The following MSRA variants were observed in gnomAD, a reference collection of about 807,000 sequenced individuals.
MSRA encodes the protein mitochondrial peptide methionine sulfoxide reductase.
In MSRA, 54 loss-of-function variants were observed where a neutral mutation model predicts 31.3. That is an observed-to-expected ratio of 1.73 (90% CI 1.39 to 2.17). MSRA has a LOEUF of 2.17. Among genes scored for constraint, MSRA ranks in the 30% most tolerant of loss-of-function variants. The probability of loss-of-function intolerance (pLI) is 0.00; values close to 1 mark genes in which losing one functional copy is unlikely to be tolerated. For missense variants in MSRA, 507 were observed against 300.9 expected, an observed-to-expected ratio of 1.69 and a Z score of -5.07; for synonymous variants, 169 against 116.5, an observed-to-expected ratio of 1.45 and a Z score of -2.90.
intron 1 of MSRA, among the ~76,000 whole-genome samples, chr8:10,172,988 T>C (rs907865093): frequency 6.6e-6 from 1 of 151,810 alleles, no homozygotes; most frequent in Non-Finnish European, 1.5e-5. Context: ...AGTGAGGAGG[T>C]GAAGCAGGGA....
chr8:10,264,556 G>A (rs530270435), intron 3 of MSRA, among the ~76,000 whole-genome samples: 252 of 152,330 alleles, frequency 1.7e-3, no homozygotes, highest in Non-Finnish European at 2.5e-3. Flanking sequence ...TCCCAGTGGA[G>A]CCCAGGTGGG....
intron 5 of MSRA, among the ~76,000 whole-genome samples, chr8:10,415,946 C>G (rs529281739): frequency 2.6e-5 from 4 of 152,240 alleles, no homozygotes; most frequent in African/African-American, 4.8e-5. Context: ...CGCACATCCC[C>G]TCTGCCTCGC....
intron 2 of MSRA, among the ~76,000 whole-genome samples, chr8:10,224,822 A>T (rs1245167340): frequency 2.0e-5 from 3 of 152,194 alleles, no homozygotes; most frequent in Non-Finnish European, 4.4e-5. Flanking sequence ...GCAGAACCTA[A>T]TTTCAATCTA....
intron 2 of MSRA, among the ~76,000 whole-genome samples, chr8:10,208,714 T>C (rs1192881505): frequency 6.6e-6 from 1 of 152,174 alleles, no homozygotes; most frequent in African/African-American, 2.4e-5. Flanking sequence ...AACTGGGCAT[T>C]CAGCTGCCTC....
At chr8:10,276,136 C>T (rs1295070273) in intron 3 of MSRA, among the ~76,000 whole-genome samples, 1 of 152,158 alleles carries the variant, frequency 6.6e-6, no homozygotes, top group African/African-American at 2.4e-5. Context: ...GTAGGGTGAC[C>T]TCCGTGGTGG....
intron 3 of MSRA, among the ~76,000 whole-genome samples, chr8:10,272,984 C>G (rs2975662): frequency 0.74 from 112,528 of 152,112 alleles, 41,658 homozygotes; most frequent in Admixed American, 0.81. Context: ...AAGAGGGTGG[C>G]TTTTAAGACT....
chr8:10,069,377 T>C (rs1454281879), intron 1 of MSRA, among the ~76,000 whole-genome samples: 1 of 152,228 alleles, frequency 6.6e-6, no homozygotes, highest in East Asian at 1.9e-4. Flanking sequence ...CTTTTAGGTA[T>C]GATATTAGCT....
At chr8:10,362,784 G>A (rs1182001413) in intron 5 of MSRA, among the ~76,000 whole-genome samples, 1 of 152,056 alleles carries the variant, frequency 6.6e-6, no homozygotes, top group Admixed American at 6.6e-5. Flanking sequence ...GTTAGTCCCT[G>A]CCTTTTTCCT....
chr8:10,226,247 G>C (rs1249526833), intron 2 of MSRA, among the ~76,000 whole-genome samples: 1 of 152,212 alleles, frequency 6.6e-6, no homozygotes, highest in South Asian at 2.1e-4. Flanking sequence ...GAATGTGGTA[G>C]ATGAAAGGTT....
At chr8:10,320,047 C>T in intron 5 of MSRA, 58 bp downstream of exon 5, 1 of 1,159,528 alleles carries the variant, frequency 8.6e-7, no homozygotes, top group Non-Finnish European at 1.2e-6. Context: ...GGGCCAGGTT[C>T]TGATTTTAGA....
At chr8:10,177,329 C>T (rs1360799583) in intron 1 of MSRA, among the ~76,000 whole-genome samples, 1 of 152,176 alleles carries the variant, frequency 6.6e-6, no homozygotes. Flanking sequence ...ATGTAACTGA[C>T]AACACACTGA....
intron 2 of MSRA, among the ~76,000 whole-genome samples, chr8:10,215,590 A>G (rs1217105185): frequency 1.3e-5 from 2 of 152,182 alleles, no homozygotes; most frequent in African/African-American, 4.8e-5. Context: ...GGGATTTTGA[A>G]GGATAACAGA....
intron 1 of MSRA, among the ~76,000 whole-genome samples, chr8:10,127,278 A>G (rs1762497789): frequency 6.6e-6 from 1 of 152,198 alleles, no homozygotes; most frequent in Non-Finnish European, 1.5e-5. Context: ...GGTCATCGCC[A>G]AGGTCTGTTT....
At chr8:10,104,081 G>A (rs1799711559) in intron 1 of MSRA, among the ~76,000 whole-genome samples, 1 of 152,206 alleles carries the variant, frequency 6.6e-6, no homozygotes, top group Admixed American at 6.5e-5. Flanking sequence ...GTATGAGGCT[G>A]TAGAGTGTCT....
intron 5 of MSRA, among the ~76,000 whole-genome samples, chr8:10,321,462 C>G (rs1802039153): frequency 6.6e-6 from 1 of 152,066 alleles, no homozygotes; most frequent in Admixed American, 6.5e-5. Context: ...AGAGCCCATT[C>G]CTTCCTTGGC....
intron 1 of MSRA, among the ~76,000 whole-genome samples, chr8:10,196,623 C>T (rs1808013299): frequency 6.6e-6 from 1 of 152,182 alleles, no homozygotes; most frequent in Admixed American, 6.5e-5. Flanking sequence ...AATCTCGACT[C>T]ATCGCAACCT....
intron 5 of MSRA, among the ~76,000 whole-genome samples, chr8:10,386,872 T>TAAAA (rs61367767): frequency 3.8e-5 from 5 of 132,950 alleles, no homozygotes; most frequent in African/African-American, 5.8e-5. Context: ...GTGGATTATT[T>TAAAA]AAAAAAAAAA....
chr8:10,336,202 C>T (rs896274035), intron 5 of MSRA, among the ~76,000 whole-genome samples: 2 of 152,120 alleles, frequency 1.3e-5, no homozygotes, highest in Non-Finnish European at 2.9e-5. Context: ...CTGGCAGAAA[C>T]ACATTTGCAA....
At chr8:10,330,204 T>TACAC (rs149601196) in intron 5 of MSRA, among the ~76,000 whole-genome samples, 27,850 of 107,588 alleles carry the variant, frequency 0.26, 3,403 homozygotes, top group Non-Finnish European at 0.35. Context: ...TTAAATGTGA[T>TACAC]ATACACACAC....
Sources: allele counts gnomAD v4.1 joint callset (sites outside exome capture counted in the v4.1 genomes callset), GRCh38; gene constraint gnomAD v4.1.1; transcripts MANE v1.5; gene names NCBI Gene and HGNC (gene_info 2026-07-23, HGNC 2026-07-21).